Variants in KCNH5 observed in about 807,000 individuals in gnomAD.
KCNH5 encodes potassium voltage-gated channel subfamily H member 5.
A neutral mutation model predicts 96.1 loss-of-function variants in KCNH5; 46 were observed. That is an observed-to-expected ratio of 0.48 (90% CI 0.38 to 0.61). KCNH5 has a LOEUF of 0.61. Among genes scored for constraint, KCNH5 ranks in the 20% least tolerant of loss-of-function variants. The pLI, the probability that KCNH5 is intolerant of heterozygous loss-of-function variation, is 0.00. For missense variants in KCNH5, 907 were observed against 1,225.8 expected (o/e 0.74, Z 3.88); for synonymous variants, 439 against 449.8 (o/e 0.98, Z 0.30).
intron 3 of KCNH5, among the ~76,000 whole-genome samples, chr14:63,001,719 A>G (rs1193401695): frequency 6.6e-6 from 1 of 152,242 alleles, no homozygotes; most frequent in East Asian, 1.9e-4. Flanking sequence ...TCATTTCACA[A>G]TGCAGGAACA....
At chr14:62,984,640 G>C (rs1183425684) in intron 5 of KCNH5, among the ~76,000 whole-genome samples, 1 of 151,942 alleles carries the variant, frequency 6.6e-6, no homozygotes, top group African/African-American at 2.4e-5. Flanking sequence ...CGACAATCTT[G>C]TTATTTCTGT....
chr14:62,870,556 TAA>T (rs1361732190), intron 7 of KCNH5, among the ~76,000 whole-genome samples: 3 of 152,206 alleles, frequency 2.0e-5, no homozygotes, highest in Non-Finnish European at 2.9e-5. Context: ...TAAAAAAGTC[TAA>T]GTTTTATTCT....
intron 7 of KCNH5, among the ~76,000 whole-genome samples, chr14:62,857,007 G>C (rs1013589270): frequency 5.3e-5 from 8 of 152,018 alleles, no homozygotes; most frequent in Admixed American, 2.0e-4. Context: ...GAATTAGTTA[G>C]GACACAGCAG....
At chr14:62,851,079 G>A (rs1284301990) in intron 7 of KCNH5, among the ~76,000 whole-genome samples, 1 of 152,112 alleles carries the variant, frequency 6.6e-6, no homozygotes, top group African/African-American at 2.4e-5. Context: ...TTCAAGAAGA[G>A]CTGTTCTCCT....
chr14:62,839,043 G>A (rs574500436), intron 8 of KCNH5, among the ~76,000 whole-genome samples: 62 of 152,178 alleles, frequency 4.1e-4, no homozygotes, highest in African/African-American at 1.5e-3. Context: ...TATTCTCAGT[G>A]TTTATCTTAA....
intron 7 of KCNH5, among the ~76,000 whole-genome samples, chr14:62,879,281 A>G (rs1382395392): frequency 6.6e-6 from 1 of 152,166 alleles, no homozygotes; most frequent in African/African-American, 2.4e-5. Flanking sequence ...AATTGGTACA[A>G]TCACTTTGCA....
intron 1 of KCNH5, among the ~76,000 whole-genome samples, chr14:63,033,673 T>C (rs567816372): frequency 1.3e-5 from 2 of 152,294 alleles, no homozygotes; most frequent in East Asian, 1.9e-4. Flanking sequence ...TTTATGAATA[T>C]ATCAAATAAA....
intron 4 of KCNH5, among the ~76,000 whole-genome samples, chr14:62,998,085 G>A (rs769522001): frequency 2.0e-5 from 3 of 151,890 alleles, no homozygotes; most frequent in African/African-American, 4.8e-5. Context: ...GTATGGTAGC[G>A]CTTACCAATG....
intron 7 of KCNH5, among the ~76,000 whole-genome samples, chr14:62,891,037 C>T (rs1400659055): frequency 6.6e-6 from 1 of 152,092 alleles, no homozygotes; most frequent in Non-Finnish European, 1.5e-5. Flanking sequence ...CCATTCAAAC[C>T]AGCAATCCTA....
At chr14:62,715,971 C>T (rs1392476605) in intron 10 of KCNH5, among the ~76,000 whole-genome samples, 1 of 152,328 alleles carries the variant, frequency 6.6e-6, no homozygotes, top group East Asian at 1.9e-4. Flanking sequence ...ATTACTAATA[C>T]AGTTACTGAA....
intron 7 of KCNH5, among the ~76,000 whole-genome samples, chr14:62,881,124 G>A (rs986819735): frequency 1.3e-5 from 2 of 152,074 alleles, no homozygotes; most frequent in African/African-American, 4.8e-5. Flanking sequence ...CGCCATTTAG[G>A]CCACATAACA....
chr14:62,914,120 A>G (rs1186566434), intron 7 of KCNH5, among the ~76,000 whole-genome samples: 1 of 152,218 alleles, frequency 6.6e-6, no homozygotes, highest in Admixed American at 6.5e-5. Flanking sequence ...TATTACAAAA[A>G]TTAAATTTGC....
At chr14:62,982,251 T>G (rs941537824) in intron 5 of KCNH5, among the ~76,000 whole-genome samples, 2 of 151,960 alleles carry the variant, frequency 1.3e-5, no homozygotes, top group Admixed American at 6.6e-5. Flanking sequence ...ACCACTTGAA[T>G]GCAGGAGGCA....
chr14:62,796,023 T>C (rs538544631), intron 9 of KCNH5, among the ~76,000 whole-genome samples: 1 of 152,110 alleles, frequency 6.6e-6, no homozygotes, highest in East Asian at 1.9e-4. Context: ...ACGGTGAGAA[T>C]AGGGTAGGGA....
At chr14:62,763,834 G>A (rs1006067975) in intron 10 of KCNH5, among the ~76,000 whole-genome samples, 1 of 152,064 alleles carries the variant, frequency 6.6e-6, no homozygotes, top group East Asian at 1.9e-4. Flanking sequence ...ATTAAACCAG[G>A]AATAAATTGA....
intron 6 of KCNH5, among the ~76,000 whole-genome samples, chr14:62,955,429 A>G (rs1033289502): frequency 1.3e-5 from 2 of 152,192 alleles, no homozygotes; most frequent in African/African-American, 4.8e-5. Flanking sequence ...TCTTTGTATT[A>G]ATTAAATTAA....
At chr14:62,755,728 A>G (rs1271035341) in intron 10 of KCNH5, among the ~76,000 whole-genome samples, 1 of 152,242 alleles carries the variant, frequency 6.6e-6, no homozygotes, top group Non-Finnish European at 1.5e-5. Flanking sequence ...AGCAAGAATA[A>G]TTCAACAACA....
At chr14:62,800,869 G>A (rs1886645783) in intron 9 of KCNH5, among the ~76,000 whole-genome samples, 1 of 150,614 alleles carries the variant, frequency 6.6e-6, no homozygotes, top group Non-Finnish European at 1.5e-5. Flanking sequence ...AAACAAAGCA[G>A]AACAAGCACT....
chr14:62,756,724 T>C (rs968297926), intron 10 of KCNH5, among the ~76,000 whole-genome samples: 1 of 152,156 alleles, frequency 6.6e-6, no homozygotes, highest in African/African-American at 2.4e-5. Context: ...CAATAAATTG[T>C]GCTGGGAAAA....
Sources: allele counts gnomAD v4.1 joint callset (sites outside exome capture counted in the v4.1 genomes callset), GRCh38; gene constraint gnomAD v4.1.1; transcripts MANE v1.5; gene names NCBI Gene and HGNC (gene_info 2026-07-23, HGNC 2026-07-21).